Variants in CECR2 observed in about 807,000 individuals in gnomAD.
The protein encoded by CECR2 is chromatin remodeling regulator CECR2.
CECR2 carries 30 observed loss-of-function variants against 154.5 expected under a neutral mutation model. The observed-to-expected ratio is 0.19, with a 90% CI of 0.15 to 0.26. The LOEUF (loss-of-function observed/expected upper bound fraction) is 0.26, where lower values mean the gene tolerates loss of function less well. Among genes scored for constraint, CECR2 ranks in the 10% least tolerant of loss-of-function variants. The pLI is 1.00. For missense variants in CECR2, 1,743 were observed against 1,829.3 expected, an observed-to-expected ratio of 0.95 and a Z score of 0.86; for synonymous variants, 725 against 683.7, an observed-to-expected ratio of 1.06 and a Z score of -0.94.
chr22:17,551,994 T>G, intron 17 of CECR2, 37 bp from the exon 18 acceptor site: 1 of 1,588,712 alleles, frequency 6.3e-7, no homozygotes, highest in Non-Finnish European at 8.6e-7. Context: ...TAACACGTCT[T>G]CATTAATTCT....
intron 2 of CECR2, among the ~76,000 whole-genome samples, chr22:17,495,583 A>C (rs1266595881): frequency 7.0e-6 from 1 of 142,446 alleles, no homozygotes; most frequent in Non-Finnish European, 1.5e-5. Flanking sequence ...AAAAAAAAAA[A>C]CGGGTGTGGT....
intron 9 of CECR2, among the ~76,000 whole-genome samples, chr22:17,530,287 G>T (rs560446524): frequency 6.6e-6 from 1 of 151,728 alleles, no homozygotes; most frequent in South Asian, 2.1e-4. Flanking sequence ...GTGCAGTGGT[G>T]CCGCGCCCGG....
chr22:17,511,460 C>T (rs948867660), intron 7 of CECR2, among the ~76,000 whole-genome samples: 1 of 152,138 alleles, frequency 6.6e-6, no homozygotes, highest in African/African-American at 2.4e-5. Flanking sequence ...CCTCCCAGAG[C>T]CGCCCCTTCA....
At chr22:17,479,435 A>G (rs1330263159) in intron 2 of CECR2, among the ~76,000 whole-genome samples, 1 of 152,184 alleles carries the variant, frequency 6.6e-6, no homozygotes, top group East Asian at 1.9e-4. Flanking sequence ...GTTGCCAGTT[A>G]TGTAATTACA....
At chr22:17,550,411 T>TAA (rs66840782) in intron 17 of CECR2, 3 of 135,144 alleles carry the variant, frequency 2.2e-5, no homozygotes, top group African/African-American at 2.7e-5. Context: ...CTGACCAAGG[T>TAA]AAAAAAAAAA....
intron 2 of CECR2, 95 bp downstream of exon 2, chr22:17,477,777 G>C: frequency 1.2e-6 from 1 of 863,682 alleles, no homozygotes; most frequent in South Asian, 1.4e-5. Flanking sequence ...AACCAGAACC[G>C]ATCATTAGGC....
chr22:17,457,279 G>A (rs1190342572), intron 1 of CECR2, among the ~76,000 whole-genome samples: 2 of 152,150 alleles, frequency 1.3e-5, no homozygotes, highest in Admixed American at 6.6e-5. Context: ...CACCCGCCTC[G>A]GCCTCCCAAA....
intron 1 of CECR2, among the ~76,000 whole-genome samples, chr22:17,463,793 G>A (rs2054982224): frequency 6.6e-6 from 1 of 152,068 alleles, no homozygotes; most frequent in Non-Finnish European, 1.5e-5. Context: ...GGGATTTTGA[G>A]CCATGATGCT....
intron 1 of CECR2, among the ~76,000 whole-genome samples, chr22:17,413,958 T>A (rs1404845701): frequency 5.9e-4 from 85 of 145,266 alleles, no homozygotes; most frequent in Non-Finnish European, 1.5e-4. Flanking sequence ...ATTACAGGCG[T>A]GAACCACCGC....
At chr22:17,437,767 A>G (rs572864645) in intron 1 of CECR2, among the ~76,000 whole-genome samples, 1 of 152,336 alleles carries the variant, frequency 6.6e-6, no homozygotes, top group South Asian at 2.1e-4. Flanking sequence ...TTAAAATGCA[A>G]GGTGAGCATC....
chr22:17,370,601 G>A (rs1472353693), intron 1 of CECR2, among the ~76,000 whole-genome samples: 1 of 152,174 alleles, frequency 6.6e-6, no homozygotes, highest in African/African-American at 2.4e-5. Context: ...AGCCCTTGGA[G>A]TTGATCTCGC....
intron 16 of CECR2, among the ~76,000 whole-genome samples, chr22:17,545,490 C>A (rs144306648): frequency 6.7e-6 from 1 of 150,352 alleles, no homozygotes; most frequent in Non-Finnish European, 1.5e-5. Context: ...GGATAAATAT[C>A]TAGCATGCAT....
chr22:17,414,746 T>G (rs2054131686), intron 1 of CECR2, among the ~76,000 whole-genome samples: 1 of 151,922 alleles, frequency 6.6e-6, no homozygotes, highest in South Asian at 2.1e-4. Context: ...TTCCCACCTG[T>G]GCTCACTCAC....
intron 2 of CECR2, among the ~76,000 whole-genome samples, chr22:17,482,857 A>G (rs1367819994): frequency 7.2e-6 from 1 of 138,692 alleles, no homozygotes; most frequent in African/African-American, 2.7e-5. Context: ...CTTTTTTTGT[A>G]TTTTTAGTAG....
intron 1 of CECR2, among the ~76,000 whole-genome samples, chr22:17,363,445 T>A (rs2146421241): frequency 6.6e-6 from 1 of 152,188 alleles, no homozygotes; most frequent in South Asian, 2.1e-4. Context: ...CCTGACCTTA[T>A]GATCCGCCTG....
intron 1 of CECR2, chr22:17,428,528 A>G (rs2054366539): frequency 6.6e-6 from 1 of 152,214 alleles, no homozygotes; most frequent in South Asian, 2.1e-4. Context: ...TATCCTGGAT[A>G]CAGTTCAAAC....
intron 3 of CECR2, among the ~76,000 whole-genome samples, chr22:17,498,711 G>A (rs2055678398): frequency 6.6e-6 from 1 of 152,148 alleles, no homozygotes; most frequent in African/African-American, 2.4e-5. Context: ...AGGATCCCAT[G>A]GGGCAAAGCT....
intron 3 of CECR2, among the ~76,000 whole-genome samples, chr22:17,499,156 A>G (rs2055689691): frequency 6.7e-6 from 1 of 150,320 alleles, no homozygotes; most frequent in Non-Finnish European, 1.5e-5. Context: ...CGCCCAGCTG[A>G]TTTTTTGTAT....
At chr22:17,420,756 T>C (rs757965404) in intron 1 of CECR2, among the ~76,000 whole-genome samples, 4 of 151,786 alleles carry the variant, frequency 2.6e-5, no homozygotes, top group Non-Finnish European at 5.9e-5. Flanking sequence ...GATTTTCTGC[T>C]TATCTTATTT....
Sources: gnomAD v4.1 joint callset for allele counts (sites outside exome capture counted in the v4.1 genomes callset) on GRCh38, gnomAD v4.1.1 for gene constraint, MANE v1.5 for transcripts, NCBI Gene and HGNC (gene_info 2026-07-23, HGNC 2026-07-21) for gene names.